Variants in PMFBP1 observed in about 807,000 individuals in gnomAD.
PMFBP1 encodes polyamine modulated factor 1 binding protein 1.
Under a neutral mutation model 137.8 loss-of-function variants are expected in PMFBP1, and 131 were observed. That is an observed-to-expected ratio of 0.95 (90% CI 0.82 to 1.10). The LOEUF is 1.10. Among genes scored for constraint, PMFBP1 ranks in the 50% least tolerant of loss-of-function variants. The probability of loss-of-function intolerance (pLI) is 0.00; values close to 1 mark genes in which losing one functional copy is unlikely to be tolerated. For synonymous variants in PMFBP1, 490 were observed against 450.4 expected, an observed-to-expected ratio of 1.09 and a Z score of -1.11; for missense variants, 1,199 against 1,175.4, an observed-to-expected ratio of 1.02 and a Z score of -0.29.
At chr16:72,150,571 C>T (rs766938560) in intron 5 of PMFBP1, 37 bp downstream of exon 5, 4 of 1,597,524 alleles carry the variant, frequency 2.5e-6, no homozygotes, top group Non-Finnish European at 3.4e-6. Flanking sequence ...GGAGCACATC[C>T]ACTTGCCTGG....
At chr16:72,247,043 T>C in the PMFBP1 span, among the ~76,000 whole-genome samples, 7 of 152,200 alleles carry the variant, frequency 4.6e-5, no homozygotes, top group Admixed American at 1.3e-4. Context: ...AGCTGACTTC[T>C]TACTCCCCAT....
Position 72,126,013 on chromosome 16 carries a change from C to G in PMFBP1, c.2208G>C (p.Arg736=). ...ITKEAYDALS[R]KSAACQDDLT... is the part of the protein sequence containing the mutation. Reference sequence around the variant, plus strand: ...GGTCATCCTGGCAGGCGGCTGACTTCCGGGATAATGCATCATAGGCTTCTT... The same window carrying G: ...GGTCATCCTGGCAGGCGGCTGACTTGCGGGATAATGCATCATAGGCTTCTT... The change falls in exon 15 of 21, where the codon CGG becomes CGC. Residue 736 remains arginine, a synonymous_variant. Transcript: ENST00000237353. 1.2e-6 allele frequency: 2 copies of G among 1,614,176 alleles called. No individual in the cohort carries two copies. Among genetic ancestry groups the G allele is most frequent in the Non-Finnish European group, 1.7e-6 (2 of 1,180,018 alleles).
chr16:72,242,409 T>C, the PMFBP1 span, among the ~76,000 whole-genome samples: 1 of 152,366 alleles, frequency 6.6e-6, no homozygotes. Context: ...GTTCTCTTTA[T>C]TCTAAGAGTA....
At chr16:72,154,722 A>T (rs1027332989) in intron 3 of PMFBP1, among the ~76,000 whole-genome samples, 1 of 152,246 alleles carries the variant, frequency 6.6e-6, no homozygotes, top group Non-Finnish European at 1.5e-5. Flanking sequence ...GTCAGAAGAA[A>T]AAATATACAC....
Position 72,164,699 on chromosome 16 carries a change from C to T in PMFBP1, c.165+65G>A, listed in dbSNP as rs545703816. 2.3e-4 allele frequency: 356 copies of T among 1,523,572 alleles called. No individual in the cohort carries two copies. In the African/African-American group the frequency reaches 3.6e-3, roughly 15 times the overall value. The allele number at this position is 1,523,572 out of a possible 1,614,324, so 94.4% of individuals were successfully genotyped here. A position where few individuals can be genotyped will look rare whatever the true frequency, so the allele number is the denominator to read the frequency against. On this transcript the variant is annotated intron_variant, in intron 3 of 20. Transcript: ENST00000237353. ...CAGTGGAAGAACTTTCTATTATTCC[C>T]GCCCAAGGGAGCAGAGGCAGAAGTC...
the PMFBP1 span, among the ~76,000 whole-genome samples, chr16:72,223,517 G>A: frequency 6.6e-6 from 1 of 152,132 alleles, no homozygotes; most frequent in Non-Finnish European, 1.5e-5. Flanking sequence ...TGTTCCTTAT[G>A]ACCAGTCAGT....
chr16:72,176,228 T>C (rs1003822391), upstream of PMFBP1, among the ~76,000 whole-genome samples: 1 of 152,132 alleles, frequency 6.6e-6, no homozygotes, highest in African/African-American at 2.4e-5. Flanking sequence ...GGCTTTTGAA[T>C]GACAGAAGAA....
intron 17 of PMFBP1, 66 bp downstream of exon 17, chr16:72,124,701 T>C: frequency 6.5e-7 from 1 of 1,547,466 alleles, no homozygotes; most frequent in Non-Finnish European, 8.8e-7. Flanking sequence ...TGTCTGGCAT[T>C]TGGGTGGTCA....
Position 72,136,610 on chromosome 16 carries a change from C to T in PMFBP1, c.1046-5G>A, listed in dbSNP as rs2042635754. On this transcript the variant is annotated splice_polypyrimidine_tract_variant and splice_region_variant and intron_variant, in intron 8 of 20. Coordinates refer to ENST00000237353, the MANE Select transcript of PMFBP1 (RefSeq NM_031293.3). ...CCAGCTCCAGCTTCATCATGTCTAC[C>T]ATGGGGCGGGACAGAGTCTATGCTC... is the stretch of plus-strand genomic sequence containing the variant. 6.2e-7 allele frequency: 1 copy of T among 1,613,942 alleles called. No homozygotes were observed. Among genetic ancestry groups the T allele is most frequent in the Admixed American group, 1.7e-5 (1 of 59,988 alleles).
intron 3 of PMFBP1, among the ~76,000 whole-genome samples, chr16:72,158,901 G>A (rs940390268): frequency 2.0e-5 from 3 of 152,122 alleles, no homozygotes; most frequent in African/African-American, 7.2e-5. Flanking sequence ...AGGCTGAGGC[G>A]AGAGAATCAC....
At chr16:72,182,163 C>T in the PMFBP1 span, among the ~76,000 whole-genome samples, 38 of 152,196 alleles carry the variant, frequency 2.5e-4, no homozygotes, top group South Asian at 4.2e-4. Context: ...TCCTGGTCAC[C>T]GGCATATCTC....
chr16:72,240,000 G>A, the PMFBP1 span, among the ~76,000 whole-genome samples: 2 of 151,822 alleles, frequency 1.3e-5, no homozygotes, highest in Non-Finnish European at 2.9e-5. Context: ...CGAGGGTTTA[G>A]GGGTTTCTTA....
upstream of PMFBP1, chr16:72,172,514 T>G (rs1371713306): frequency 6.7e-6 from 1 of 150,348 alleles, no homozygotes; most frequent in Non-Finnish European, 1.5e-5. Context: ...CTACTGGTTC[T>G]TAAAGCGGAA....
intron 20 of PMFBP1, 158 bp downstream of exon 20, chr16:72,119,693 C>T: frequency 2.7e-6 from 4 of 1,465,658 alleles, no homozygotes; most frequent in Non-Finnish European, 1.8e-6. Context: ...TTTGCCTCCT[C>T]CCTTTACAGA....
At chr16:72,238,808 A>G in the PMFBP1 span, among the ~76,000 whole-genome samples, 1 of 152,284 alleles carries the variant, frequency 6.6e-6, no homozygotes, top group African/African-American at 2.4e-5. Context: ...ACCAGAGGTG[A>G]TCTTGCTCCC....
intron 1 of PMFBP1, 111 bp from the exon 2 acceptor site, chr16:72,171,379 G>A: frequency 1.5e-6 from 1 of 674,950 alleles, no homozygotes; most frequent in Non-Finnish European, 2.5e-6. Context: ...AAATTTTCCT[G>A]AACTGTTAGC....
chr16:72,192,152 T>A, the PMFBP1 span, among the ~76,000 whole-genome samples: 1 of 152,048 alleles, frequency 6.6e-6, no homozygotes. Flanking sequence ...TTTTATCACA[T>A]ATGTATCCTC....
chr16:72,195,981 A>ATGTGTGTGTG, the PMFBP1 span, among the ~76,000 whole-genome samples: 10 of 144,952 alleles, frequency 6.9e-5, no homozygotes, highest in African/African-American at 2.6e-4. Context: ...AGCTTACAGA[A>ATGTGTGTGTG]TGTGTGTGTG....
chr16:72,165,063 TAC>T (rs2043125241), intron 2 of PMFBP1, 147 bp from the exon 3 acceptor site: 3 of 795,276 alleles, frequency 3.8e-6, no homozygotes, highest in Admixed American at 3.3e-5. Context: ...GTGTAACATT[TAC>T]ACAGTTTCCA....
Sources: allele counts gnomAD v4.1 joint callset (sites outside exome capture counted in the v4.1 genomes callset), GRCh38; gene constraint gnomAD v4.1.1; transcripts MANE v1.5; gene names NCBI Gene and HGNC (gene_info 2026-07-23, HGNC 2026-07-21).